The following ANGPT2 variants were observed in gnomAD, a reference collection of about 807,000 sequenced individuals.
ANGPT2 encodes angiopoietin-2.
In ANGPT2, 28 loss-of-function variants were observed where a neutral mutation model predicts 62.9. The observed-to-expected ratio is 0.44, with a 90% CI of 0.33 to 0.61. The LOEUF is 0.61. ANGPT2 is among the 20% of genes least tolerant of loss of function. ANGPT2 has a pLI of 0.03. For synonymous variants in ANGPT2, 284 were observed against 207.8 expected, an observed-to-expected ratio of 1.37 and a Z score of -3.15; for missense variants, 727 against 594.9, an observed-to-expected ratio of 1.22 and a Z score of -2.31.
intron 1 of ANGPT2, among the ~76,000 whole-genome samples, chr8:6,551,572 A>G (rs1823660656): frequency 2.0e-5 from 3 of 152,286 alleles, no homozygotes; most frequent in Middle Eastern, 3.4e-3. Flanking sequence ...TTTTTAACTC[A>G]TAACATTTTT....
At position 6,532,315 on chromosome 8, in the gene ANGPT2, T is replaced by C; in HGVS notation, c.444+17A>G. On this transcript the variant is annotated intron_variant, in intron 2 of 8. Coordinates refer to ENST00000629816, the MANE Select transcript of ANGPT2 (RefSeq NM_001118887.2). ...CTAGCTGCAGGGACACCGTGTGCTTTATGTGGCATTACTTACTTGGGCTTC... is the reference window on the plus strand; with the variant it reads ...CTAGCTGCAGGGACACCGTGTGCTTCATGTGGCATTACTTACTTGGGCTTC... 1 of 1,614,140 alleles carries C rather than the reference T, an allele frequency of 6.2e-7. No homozygotes were observed.
intron 1 of ANGPT2, among the ~76,000 whole-genome samples, chr8:6,534,312 C>T (rs929032633): frequency 1.1e-4 from 16 of 152,096 alleles, no homozygotes; most frequent in African/African-American, 2.9e-4. Context: ...TAAGCAACCT[C>T]GAGATGATTT....
intron 3 of ANGPT2, among the ~76,000 whole-genome samples, chr8:6,522,318 G>A (rs1817514349): frequency 6.6e-6 from 1 of 151,838 alleles, no homozygotes; most frequent in African/African-American, 2.4e-5. Context: ...TCATGCCACT[G>A]CACTCCAGCC....
intron 8 of ANGPT2, 122 bp from the exon 9 acceptor site, chr8:6,503,383 T>C (rs1332426805): frequency 1.1e-6 from 1 of 938,312 alleles, no homozygotes; most frequent in Non-Finnish European, 1.7e-6. Flanking sequence ...CACATGCAGA[T>C]GATGGTGAGT....
chr8:6,548,414 G>T (rs910191004), intron 1 of ANGPT2, among the ~76,000 whole-genome samples: 1 of 152,144 alleles, frequency 6.6e-6, no homozygotes, highest in African/African-American at 2.4e-5. Flanking sequence ...TCAGAATTAG[G>T]ATTTTGATCC....
intron 1 of ANGPT2, among the ~76,000 whole-genome samples, chr8:6,553,482 C>A (rs550279090): frequency 5.9e-5 from 9 of 152,070 alleles, no homozygotes; most frequent in African/African-American, 2.2e-4. Context: ...CGGCTTCACA[C>A]GTCAACATTT....
At position 6,562,725 on chromosome 8, in the gene ANGPT2, C is replaced by G. The variant is rs923824230; in HGVS notation, c.210G>C (p.Pro70=). The G allele has an allele frequency of 1.9e-6, 3 of 1,613,520 alleles. No individual in the cohort carries two copies. The highest frequency in any genetic ancestry group is 1.1e-5 in the South Asian group (1 of 91,060). The change falls in exon 1 of 9, where the codon CCG becomes CCC. Residue 70 remains proline (P), a synonymous_variant. Transcript: ENST00000629816. ...YVSNAVQRDA[P]LEYDDSVQRL... is the part of the protein sequence containing the mutation. ...TCTGCACCGAGTCATCGTATTCGAGCGGCGCGTCCCTCTGCACAGCATTGG... is the reference window on the plus strand; with the variant it reads ...TCTGCACCGAGTCATCGTATTCGAGGGGCGCGTCCCTCTGCACAGCATTGG...
intron 1 of ANGPT2, among the ~76,000 whole-genome samples, chr8:6,548,308 C>T (rs926617488): frequency 9.2e-5 from 14 of 152,120 alleles, no homozygotes; most frequent in African/African-American, 2.7e-4. Context: ...TCTACTCGTG[C>T]GTCACTTCCC....
chr8:6,518,460 G>A (rs1816713353), intron 5 of ANGPT2, among the ~76,000 whole-genome samples: 1 of 152,110 alleles, frequency 6.6e-6, no homozygotes, highest in Non-Finnish European at 1.5e-5. Flanking sequence ...CTAATTTTCA[G>A]GGTTGATTTA....
At chr8:6,534,762 G>T (rs1481608214) in intron 1 of ANGPT2, among the ~76,000 whole-genome samples, 2 of 152,196 alleles carry the variant, frequency 1.3e-5, no homozygotes, top group African/African-American at 4.8e-5. Flanking sequence ...CTCAGAGTTA[G>T]CTCAGGCTTT....
chr8:6,562,578 T>TTTTTTTTTA, intron 1 of ANGPT2, 69 bp downstream of exon 1: 1 of 880,184 alleles, frequency 1.1e-6, no homozygotes, highest in Non-Finnish European at 1.6e-6. Context: ...TTTTGGTTGT[T>TTTTTTTTTA]AAAACCTGAG....
At chr8:6,518,413 C>T (rs920125470) in intron 5 of ANGPT2, among the ~76,000 whole-genome samples, 3 of 152,272 alleles carry the variant, frequency 2.0e-5, no homozygotes, top group East Asian at 1.9e-4. Flanking sequence ...TCCCTTCCTT[C>T]CCTGTTGTAT....
At chr8:6,559,604 G>T (rs1202122708) in intron 1 of ANGPT2, among the ~76,000 whole-genome samples, 1 of 152,122 alleles carries the variant, frequency 6.6e-6, no homozygotes, top group Non-Finnish European at 1.5e-5. Flanking sequence ...TTCATAGACT[G>T]CAGTTGTTTA....
At chr8:6,538,902 A>G (rs1158822726) in intron 1 of ANGPT2, among the ~76,000 whole-genome samples, 1 of 152,178 alleles carries the variant, frequency 6.6e-6, no homozygotes, top group Non-Finnish European at 1.5e-5. Flanking sequence ...GGGATATTCT[A>G]TTTGGGAGGC....
intron 7 of ANGPT2, among the ~76,000 whole-genome samples, chr8:6,512,669 A>G (rs1041415985): frequency 1.3e-5 from 2 of 152,126 alleles, no homozygotes; most frequent in Admixed American, 1.3e-4. Flanking sequence ...ATGTGGCTTC[A>G]CCGTACTTAT....
chr8:6,530,077 T>C (rs1819175924), intron 2 of ANGPT2, among the ~76,000 whole-genome samples: 1 of 152,056 alleles, frequency 6.6e-6, no homozygotes, highest in South Asian at 2.1e-4. Flanking sequence ...ATATAAGAAA[T>C]GTTGTAGTTT....
At chr8:6,562,578 T>TTTTTTTTTTTTTTAAA in intron 1 of ANGPT2, 69 bp downstream of exon 1, 11 of 880,182 alleles carry the variant, frequency 1.2e-5, no homozygotes, top group African/African-American at 1.8e-5. Context: ...TTTTGGTTGT[T>TTTTTTTTTTTTTTAAA]AAAACCTGAG....
intron 1 of ANGPT2, among the ~76,000 whole-genome samples, chr8:6,534,092 C>T (rs1440220324): frequency 6.6e-6 from 1 of 152,094 alleles, no homozygotes; most frequent in Admixed American, 6.5e-5. Context: ...CCCTGGCAGT[C>T]GTTCTCCCGT....
rs1300184208 is a variant in ANGPT2, at chr8:6,509,052, T to C, written c.1207A>G (p.Lys403Glu). ...SEELNYRIHL[K>E]GLTGTAGKIS... Reference sequence around the variant, plus strand: ...TTGCCGGCTGTCCCTGTAAGTCCTTTAAGGTGAATCCTGTAAGCGTGCAAA... The same window carrying C: ...TTGCCGGCTGTCCCTGTAAGTCCTTCAAGGTGAATCCTGTAAGCGTGCAAA... Residue 403 changes from lysine to glutamate, a missense_variant, in exon 8 of 9, where the codon AAA becomes GAA. By Grantham distance (56) the Lys-to-Glu change is moderately conservative (BLOSUM62 1). Coordinates refer to ENST00000629816, the MANE Select transcript of ANGPT2 (RefSeq NM_001118887.2). The C allele has an allele frequency of 2.5e-6, 4 of 1,613,942 alleles. No homozygotes were observed. Among genetic ancestry groups the C allele is most frequent in the African/African-American group, 2.7e-5 (2 of 74,910 alleles).
Sources: gnomAD v4.1 joint callset for allele counts (sites outside exome capture counted in the v4.1 genomes callset) on GRCh38, gnomAD v4.1.1 for gene constraint, MANE v1.5 for transcripts, NCBI Gene and HGNC (gene_info 2026-07-23, HGNC 2026-07-21) for gene names.